PCDHA13: variants seen among roughly 807,000 people sequenced by gnomAD.
PCDHA13 encodes protocadherin alpha 13.
A neutral mutation model predicts 64.8 loss-of-function variants in PCDHA13; 54 were observed. That is an observed-to-expected ratio of 0.83 (90% CI 0.67 to 1.04). The LOEUF is 1.04. PCDHA13 is among the 50% of genes least tolerant of loss of function. The pLI is 0.00. For missense variants in PCDHA13, 1,248 were observed against 1,254.3 expected (o/e 0.99, Z 0.08); for synonymous variants, 587 against 564.4 (o/e 1.04, Z -0.57).
At chr5:140,885,482 G>A (rs1174553739) in intron 1 of PCDHA13, among the ~76,000 whole-genome samples, 1 of 152,150 alleles carries the variant, frequency 6.6e-6, no homozygotes, top group Non-Finnish European at 1.5e-5. Context: ...TTTGTGTCAA[G>A]TGTTCTGTTA....
At chr5:140,940,645 A>G (rs1554213545) in intron 1 of PCDHA13, among the ~76,000 whole-genome samples, 1 of 152,156 alleles carries the variant, frequency 6.6e-6, no homozygotes, top group Non-Finnish European at 1.5e-5. Flanking sequence ...TCATTTATTT[A>G]TTTAAATATA....
rs1446947181 is a variant in PCDHA13, at chr5:140,883,625, C to G, written c.1357C>G (p.Pro453Ala). 9 of 1,613,872 alleles carry G rather than the reference C, an allele frequency of 5.6e-6. No individual in the cohort carries two copies. Among genetic ancestry groups the G allele is most frequent in the Non-Finnish European group, 6.8e-6 (8 of 1,179,908 alleles). Residue 453 changes from proline (P) to alanine (A), a missense_variant, in exon 1 of 4, where the codon CCG (proline) becomes GCG (alanine). Physicochemically the swap from Pro to Ala is conservative, Grantham distance 27. Coordinates refer to ENST00000289272, the MANE Select transcript of PCDHA13 (RefSeq NM_018904.3). ...VGVADVNDNAPAFAQPEYTVF... is the reference protein window; with the variant it reads ...VGVADVNDNAAAFAQPEYTVF... ...GGTGGCCGACGTGAACGACAACGCGCCGGCGTTCGCGCAGCCCGAGTACAC... is the reference window on the plus strand; with the variant it reads ...GGTGGCCGACGTGAACGACAACGCGGCGGCGTTCGCGCAGCCCGAGTACAC...
chr5:140,893,195 C>T (rs1445634918), intron 1 of PCDHA13, among the ~76,000 whole-genome samples: 2 of 152,164 alleles, frequency 1.3e-5, no homozygotes, highest in Admixed American at 1.3e-4. Context: ...GTGAATAGTG[C>T]TGCAGTAAGT....
chr5:140,911,687 G>A (rs1554194873), intron 1 of PCDHA13, among the ~76,000 whole-genome samples: 1 of 152,166 alleles, frequency 6.6e-6, no homozygotes, highest in Non-Finnish European at 1.5e-5. Context: ...CGTGCATCAG[G>A]AGTGTCAAAT....
chr5:140,928,875 T>C (rs781860300), intron 1 of PCDHA13: 1 of 1,614,184 alleles, frequency 6.2e-7, no homozygotes, highest in Non-Finnish European at 8.5e-7. Context: ...ACTCTGTCCC[T>C]CAGTTACTTC....
chr5:141,000,403 A>C (rs1233777704), intron 3 of PCDHA13, among the ~76,000 whole-genome samples: 120 of 84,052 alleles, frequency 1.4e-3, no homozygotes, highest in East Asian at 4.6e-3. Context: ...CTCTATATAT[A>C]TATATATATA....
intron 3 of PCDHA13, among the ~76,000 whole-genome samples, chr5:140,989,486 A>G (rs1563557204): frequency 6.6e-6 from 1 of 152,190 alleles, no homozygotes; most frequent in African/African-American, 2.4e-5. Context: ...AGGTGCTTGA[A>G]CAAGAAAGAC....
chr5:140,883,668 A>G lies in PCDHA13; in HGVS notation c.1400A>G (p.Asn467Ser), dbSNP rs782191858. ...GAGTACACGGTGTTCGTGAAGGAAA[A>G]CAATCCGCCGGGCTGCCACATCTTC... ...QPEYTVFVKE[N>S]NPPGCHIFTV... The change falls in exon 1 of 4, where the codon AAC becomes AGC. Residue 467 changes from asparagine to serine, a missense_variant. Physicochemically the swap from Asn to Ser is conservative, Grantham distance 46. Transcript: ENST00000289272. The G allele has an allele frequency of 9.9e-6, 16 of 1,613,456 alleles. No homozygotes were observed. Among genetic ancestry groups the G allele is most frequent in the Non-Finnish European group, 1.4e-5 (16 of 1,179,838 alleles).
intron 1 of PCDHA13, among the ~76,000 whole-genome samples, chr5:140,974,566 C>T (rs2096631979): frequency 6.6e-6 from 1 of 152,138 alleles, no homozygotes; most frequent in African/African-American, 2.4e-5. Context: ...GGCTGGAGTG[C>T]AATGGCATGA....
Position 141,010,486 on chromosome 5 carries a change from A to C in PCDHA13, c.*549A>C. 1 of 674,072 alleles carries C rather than the reference A, an allele frequency of 1.5e-6. No individual in the cohort carries two copies. Among genetic ancestry groups the C allele is most frequent in the Non-Finnish European group, 2.3e-6 (1 of 434,544 alleles). The allele number at this position is 674,072 out of a possible 1,614,324, so 41.8% of individuals were successfully genotyped here. On this transcript the variant is annotated 3_prime_UTR_variant, in exon 4 of 4. Transcript: ENST00000289272. ...GTATGGAGGGGAAGTGTAAACTTAAAGGGACCAGACTTTCTAAATCTTACA... is the reference window on the plus strand; with the variant it reads ...GTATGGAGGGGAAGTGTAAACTTAACGGGACCAGACTTTCTAAATCTTACA...
At chr5:140,890,753 C>G (rs1274674281) in intron 1 of PCDHA13, among the ~76,000 whole-genome samples, 1 of 152,114 alleles carries the variant, frequency 6.6e-6, no homozygotes, top group African/African-American at 2.4e-5. Context: ...TTCTGTCATG[C>G]TTTAAAAATA....
At chr5:140,966,505 A>T in intron 1 of PCDHA13, 1 of 427,984 alleles carries the variant, frequency 2.3e-6, no homozygotes, top group Non-Finnish European at 4.1e-6. Context: ...CTGTAGCGGC[A>T]GCAGCAGCAG....
intron 1 of PCDHA13, among the ~76,000 whole-genome samples, chr5:140,925,028 T>C (rs2082253756): frequency 6.6e-6 from 1 of 151,580 alleles, no homozygotes; most frequent in Admixed American, 6.6e-5. Context: ...GGAGGATCGC[T>C]TGAGCCCAGA....
intron 1 of PCDHA13, among the ~76,000 whole-genome samples, chr5:140,944,359 T>C (rs1248806355): frequency 6.6e-6 from 1 of 152,092 alleles, no homozygotes; most frequent in African/African-American, 2.4e-5. Context: ...GGCTAATTTT[T>C]AATTTTTTAT....
intron 3 of PCDHA13, among the ~76,000 whole-genome samples, chr5:141,009,257 C>G (rs1375950001): frequency 6.6e-6 from 1 of 152,136 alleles, no homozygotes; most frequent in Non-Finnish European, 1.5e-5. Flanking sequence ...GTGTTTGAGA[C>G]CAGCCTGGGC....
chr5:140,955,839 A>G (rs527318905), intron 1 of PCDHA13, among the ~76,000 whole-genome samples: 8 of 152,162 alleles, frequency 5.3e-5, no homozygotes, highest in African/African-American at 1.9e-4. Flanking sequence ...GTGGTTTGTC[A>G]TTCTCCTTGA....
In PCDHA13 at chr5:140,936,000, C is replaced by T. The variant is rs370629183; in HGVS notation, c.2395-42949C>T. Among the ~76,000 whole-genome samples, 13 of 150,536 alleles carry T rather than the reference C, an allele frequency of 8.6e-5. No homozygotes were observed. In the East Asian group the frequency reaches 1.6e-3, roughly 18 times the overall value. ...CTCTGCCTCCCGGGTTCAAGCGATT[C>T]TCCCACCTCAGCCTCCCGAGTAGCG... On this transcript the variant is annotated intron_variant, in intron 1 of 3. Coordinates refer to ENST00000289272, the MANE Select transcript of PCDHA13 (RefSeq NM_018904.3).
chr5:140,951,840 C>T (rs555935634), intron 1 of PCDHA13, among the ~76,000 whole-genome samples: 2 of 152,190 alleles, frequency 1.3e-5, no homozygotes, highest in African/African-American at 4.8e-5. Flanking sequence ...AGCATTAAGC[C>T]AAAAGTCCAA....
chr5:140,958,672 A>G (rs1554223601), intron 1 of PCDHA13, among the ~76,000 whole-genome samples: 1 of 152,218 alleles, frequency 6.6e-6, no homozygotes, highest in African/African-American at 2.4e-5. Context: ...AATTTTAATT[A>G]TAAAGGATAT....
Sources: gnomAD v4.1 joint callset for allele counts (sites outside exome capture counted in the v4.1 genomes callset) on GRCh38, gnomAD v4.1.1 for gene constraint, MANE v1.5 for transcripts, NCBI Gene and HGNC (gene_info 2026-07-23, HGNC 2026-07-21) for gene names.